Variants in EFTUD2 observed in about 807,000 individuals in gnomAD.
EFTUD2 encodes 116 kDa U5 small nuclear ribonucleoprotein component.
A neutral mutation model predicts 114.3 loss-of-function variants in EFTUD2; 9 were observed. That is an observed-to-expected ratio of 0.08 (90% CI 0.05 to 0.14). The LOEUF (loss-of-function observed/expected upper bound fraction) is 0.14. Ranked by LOEUF, EFTUD2 falls within the 10% of genes least tolerant of loss-of-function variation. The pLI is 1.00. For missense variants in EFTUD2, 765 were observed against 1,241.2 expected (o/e 0.62, Z 5.76); for synonymous variants, 449 against 462.3 (o/e 0.97, Z 0.37).
chr17:44,875,252 C>T (rs1402927615), intron 10 of EFTUD2, among the ~76,000 whole-genome samples: 3 of 151,838 alleles, frequency 2.0e-5, no homozygotes, highest in African/African-American at 2.4e-5. Context: ...AAAAATTGGC[C>T]GGGGGTGGTG....
intron 9 of EFTUD2, 69 bp downstream of exon 9, chr17:44,879,487 T>C (rs2051031031): frequency 1.4e-5 from 21 of 1,498,090 alleles, no homozygotes; most frequent in Middle Eastern, 3.4e-4. Flanking sequence ...CTCAGTGCTC[T>C]GGGTATTGTT....
intron 20 of EFTUD2, among the ~76,000 whole-genome samples, chr17:44,855,966 A>T (rs1483958285): frequency 1.3e-5 from 2 of 151,046 alleles, no homozygotes; most frequent in African/African-American, 2.4e-5. Flanking sequence ...AAGAAAAAAA[A>T]AAAAAGAAAA....
chr17:44,863,880 C>CG, intron 14 of EFTUD2, 98 bp from the exon 15 acceptor site: 4 of 1,494,554 alleles, frequency 2.7e-6, no homozygotes, highest in Non-Finnish European at 2.7e-6. Context: ...GCTCAAAGTG[C>CG]GGGGACTGAT....
At chr17:44,875,896 C>G in intron 10 of EFTUD2, 38 bp downstream of exon 10, 1 of 1,601,986 alleles carries the variant, frequency 6.2e-7, no homozygotes, top group Non-Finnish European at 8.5e-7. Context: ...AACCCAGAGC[C>G]TCCGAGGACA....
At position 44,850,135 on chromosome 17, in the gene EFTUD2, TG is replaced by T. The variant is rs2050413765; in HGVS notation, c.*1138del. On this transcript the variant is annotated 3_prime_UTR_variant, in exon 28 of 28. Transcript: ENST00000426333. Reference sequence around the variant, plus strand: ...ACACAATACATGTGAAAGTGTTTCGTGAACTGTCAGATAAGTGGTTTCCCCA... The same window carrying T: ...ACACAATACATGTGAAAGTGTTTCGTAACTGTCAGATAAGTGGTTTCCCCA... 1 of 543,784 alleles carries T rather than the reference TG, an allele frequency of 1.8e-6. No individual in the cohort carries two copies. The highest frequency in any genetic ancestry group is 2.4e-5 in the South Asian group (1 of 41,348). 33.7% of individuals were successfully genotyped at this position (543,784 alleles called of 1,614,324 possible). A position where few individuals can be genotyped will look rare whatever the true frequency, so the allele number is the denominator to read the frequency against.
rs972704209 is a variant in EFTUD2, at chr17:44,851,607, A to C, written c.2823+103T>G. Reference sequence around the variant, plus strand: ...TATACAGATCATATCTCTACATTGGAAAAGTGTCCCTTAGGAAAAGGGGCC... The same window carrying C: ...TATACAGATCATATCTCTACATTGGCAAAGTGTCCCTTAGGAAAAGGGGCC... On this transcript the variant is annotated intron_variant, in intron 27 of 27. Coordinates refer to ENST00000426333, the MANE Select transcript of EFTUD2 (RefSeq NM_004247.4). 9.0e-6 allele frequency: 11 copies of C among 1,225,158 alleles called. No individual in the cohort carries two copies. The Admixed American group carries it at 1.1e-4, about 13-fold the overall frequency. 75.9% of individuals were successfully genotyped at this position (1,225,158 alleles called of 1,614,324 possible).
At chr17:44,874,764 T>C (rs2050916369) in intron 10 of EFTUD2, among the ~76,000 whole-genome samples, 1 of 152,240 alleles carries the variant, frequency 6.6e-6, no homozygotes, top group African/African-American at 2.4e-5. Flanking sequence ...GAGAAGCAGG[T>C]ATATCCACAG....
intron 1 of EFTUD2, chr17:44,898,872 C>T (rs1290856971): frequency 6.6e-6 from 1 of 152,174 alleles, no homozygotes; most frequent in Non-Finnish European, 1.5e-5. Flanking sequence ...AGACTAAGCC[C>T]TCAATAAGTA....
intron 14 of EFTUD2, chr17:44,864,028 C>T (rs1422248916): frequency 2.7e-6 from 1 of 371,336 alleles, no homozygotes; most frequent in African/African-American, 2.1e-5. Flanking sequence ...CCTTGGAACT[C>T]AGCTGACAAA....
At chr17:44,856,003 T>C (rs907959965) in intron 20 of EFTUD2, among the ~76,000 whole-genome samples, 2 of 150,630 alleles carry the variant, frequency 1.3e-5, no homozygotes, top group African/African-American at 4.9e-5. Flanking sequence ...TTAGCACACC[T>C]GTAGTCCCAG....
chr17:44,890,397 A>T (rs75475345), intron 2 of EFTUD2, among the ~76,000 whole-genome samples: 1,187 of 51,476 alleles, frequency 0.023, 23 homozygotes, highest in African/African-American at 0.088. Context: ...CAATATAATT[A>T]AAAAAAAAAA....
intron 5 of EFTUD2, 54 bp from the exon 6 acceptor site, chr17:44,883,212 G>A: frequency 1.3e-6 from 2 of 1,558,258 alleles, no homozygotes; most frequent in Non-Finnish European, 1.8e-6. Flanking sequence ...AATTTACTGT[G>A]CCCTTCCCCC....
chr17:44,875,262 G>A (rs1425749647), intron 10 of EFTUD2, among the ~76,000 whole-genome samples: 1 of 152,054 alleles, frequency 6.6e-6, no homozygotes, highest in African/African-American at 2.4e-5. Context: ...CGGGGGTGGT[G>A]GTTCACGCCT....
rs1376937985 is a variant in EFTUD2, at chr17:44,867,848, C to T, written c.1108G>A (p.Val370Met). 2.5e-6 allele frequency: 4 copies of T among 1,606,328 alleles called. No homozygotes were observed. Among genetic ancestry groups the T allele is most frequent in the Admixed American group, 3.4e-5 (2 of 59,154 alleles). The change falls in exon 13 of 28, where the codon GTG becomes ATG. Residue 370 changes from valine (V) to methionine (M), a missense_variant. This residue lies in a region of EFTUD2 where 251 missense variants were observed against 357.7 expected (regional missense o/e 0.70). Transcript: ENST00000426333. ...TAAAGAGGCTCCAAGATAAACTCCA[C>T]GAAACTTCTCTGGGAGCTGCTAGTT... ...APTSSSQRSF[V>M]EFILEPLYKI...
chr17:44,876,627 C>T (rs561828840), intron 9 of EFTUD2, among the ~76,000 whole-genome samples: 2 of 151,766 alleles, frequency 1.3e-5, no homozygotes, highest in South Asian at 2.1e-4. Flanking sequence ...CTGAGGTGGG[C>T]GAATCACGAG....
intron 2 of EFTUD2, chr17:44,894,211 T>TG (rs1555571100): frequency 1.3e-5 from 6 of 479,582 alleles, no homozygotes; most frequent in Non-Finnish European, 1.9e-5. Flanking sequence ...CCACGAAAAA[T>TG]AAAAAAAAAT....
chr17:44,858,724 C>T (rs980524662), intron 19 of EFTUD2, among the ~76,000 whole-genome samples: 7 of 152,104 alleles, frequency 4.6e-5, no homozygotes, highest in African/African-American at 1.4e-4. Flanking sequence ...ATTACAGCAA[C>T]GGACCACCAT....
chr17:44,863,861 G>A (rs1218517820), intron 14 of EFTUD2, 79 bp from the exon 15 acceptor site: 7 of 1,563,590 alleles, frequency 4.5e-6, no homozygotes, highest in Non-Finnish European at 6.1e-6. Context: ...CATTCACAAT[G>A]GTCAAAAAGC....
Position 44,853,290 on chromosome 17 carries a change from G to C in EFTUD2, c.2561+6C>G, listed in dbSNP as rs772823945. 1.9e-6 allele frequency: 3 copies of C among 1,613,340 alleles called. No homozygotes were observed. The highest frequency in any genetic ancestry group is 2.5e-6 in the Non-Finnish European group (3 of 1,179,620). On this transcript the variant is annotated splice_donor_region_variant and intron_variant, in intron 25 of 27. Coordinates refer to ENST00000426333, the MANE Select transcript of EFTUD2 (RefSeq NM_004247.4). Reference sequence around the variant, plus strand: ...CACTCTCCCTAATACGCCTGGGGCCGCTCACCTGCGCCTGGCCAGGACGGT... The same window carrying C: ...CACTCTCCCTAATACGCCTGGGGCCCCTCACCTGCGCCTGGCCAGGACGGT...
Sources: allele counts gnomAD v4.1 joint callset (sites outside exome capture counted in the v4.1 genomes callset), GRCh38; gene constraint gnomAD v4.1.1; regional missense constraint gnomAD v4.1.1; transcripts MANE v1.5; gene names NCBI Gene and HGNC (gene_info 2026-07-23, HGNC 2026-07-21).